The following NSRP1 variants were observed in gnomAD, a reference collection of about 807,000 sequenced individuals.
NSRP1 encodes the protein nuclear speckle splicing regulatory protein 1, also known as coiled-coil domain containing 55.
NSRP1 carries 24 observed loss-of-function variants against 54.7 expected under a neutral mutation model. The observed-to-expected ratio is 0.44, with a 90% CI of 0.32 to 0.62. NSRP1 has a LOEUF of 0.62. NSRP1 is among the 20% of genes least tolerant of loss of function. The pLI is 0.06. For missense variants in NSRP1, 596 were observed against 651.2 expected (o/e 0.92, Z 0.92); for synonymous variants, 210 against 213.8 (o/e 0.98, Z 0.15).
chr17:30,154,226 C>T (rs1334908730), intron 2 of NSRP1, among the ~76,000 whole-genome samples: 7 of 151,716 alleles, frequency 4.6e-5, no homozygotes, highest in South Asian at 4.2e-4. Flanking sequence ...GAGGCTGAGG[C>T]GGGAGAATTG....
intron 2 of NSRP1, among the ~76,000 whole-genome samples, chr17:30,124,402 A>C (rs765451515): frequency 6.6e-6 from 1 of 152,256 alleles, no homozygotes; most frequent in Non-Finnish European, 1.5e-5. Context: ...GGTGTTAGCT[A>C]GCCAGTGGGT....
chr17:30,150,998 CTTT>C (rs2071904060), intron 2 of NSRP1, among the ~76,000 whole-genome samples: 1 of 151,988 alleles, frequency 6.6e-6, no homozygotes, highest in Admixed American at 6.6e-5. Context: ...GTTTCCACAT[CTTT>C]ATGAGCATTT....
chr17:30,180,024 A>T (rs1905244991), intron 5 of NSRP1, among the ~76,000 whole-genome samples: 1 of 151,976 alleles, frequency 6.6e-6, no homozygotes, highest in African/African-American at 2.4e-5. Flanking sequence ...TTTTGTAGAG[A>T]CGGGGTCTCA....
In NSRP1 at chr17:30,185,258, A is replaced by G. The variant is rs759097578; in HGVS notation, c.1261A>G (p.Met421Val). ...EEKSKAKEEH[M>V]KVRKERYENN... ...GAAAAGCAAAGCAAAGGAAGAGCAT[A>G]TGAAAGTAAGGAAGGAAAGATATGA... The change falls in exon 7 of 7, where the codon ATG becomes GTG. Residue 421 changes from methionine to valine, a missense_variant. Coordinates refer to ENST00000247026, the MANE Select transcript of NSRP1 (RefSeq NM_032141.4). The G allele has an allele frequency of 2.5e-6, 4 of 1,597,798 alleles. No individual in the cohort carries two copies. The highest frequency in any genetic ancestry group is 2.3e-5 in the South Asian group (2 of 88,406).
intron 2 of NSRP1, chr17:30,168,878 G>A (rs1190399516): frequency 6.6e-6 from 1 of 151,964 alleles, no homozygotes; most frequent in East Asian, 1.9e-4. Context: ...AGAAAATTGA[G>A]AATCAAATGA....
chr17:30,123,719 T>C (rs2071624805), intron 2 of NSRP1, among the ~76,000 whole-genome samples: 1 of 152,148 alleles, frequency 6.6e-6, no homozygotes, highest in South Asian at 2.1e-4. Flanking sequence ...TTCATACATT[T>C]TGAAATTTTT....
Position 30,116,872 on chromosome 17 carries a change from T to A in NSRP1, c.20+9T>A, listed in dbSNP as rs2071537498. 6.4e-7 allele frequency: 1 copy of A among 1,572,338 alleles called. No homozygotes were observed. Among genetic ancestry groups the A allele is most frequent in the Non-Finnish European group, 8.6e-7 (1 of 1,158,426 alleles). ...GCGATTCCGGGCAGGCAGTGAGTGA[T>A]CCGGGAGTTAGGGTCAGGCTGGGGG... On this transcript the variant is annotated intron_variant, in intron 1 of 6. Transcript: ENST00000247026.
At chr17:30,164,473 T>A (rs1419145959) in intron 2 of NSRP1, among the ~76,000 whole-genome samples, 1 of 152,112 alleles carries the variant, frequency 6.6e-6, no homozygotes, top group African/African-American at 2.4e-5. Flanking sequence ...AAATTTTGTC[T>A]CCCTAAATTT....
intron 1 of NSRP1, chr17:30,117,412 G>A (rs965556134): frequency 1.8e-5 from 8 of 449,820 alleles, no homozygotes; most frequent in African/African-American, 8.1e-5. Context: ...TACCTTTGAT[G>A]TGTAATCCTT....
intron 2 of NSRP1, among the ~76,000 whole-genome samples, chr17:30,171,499 T>A (rs1187232906): frequency 6.6e-6 from 1 of 151,980 alleles, no homozygotes; most frequent in African/African-American, 2.4e-5. Context: ...AGAGACGGGG[T>A]TTCACCATGT....
intron 2 of NSRP1, among the ~76,000 whole-genome samples, chr17:30,136,698 A>G (rs1033928287): frequency 6.6e-6 from 1 of 152,226 alleles, no homozygotes; most frequent in Non-Finnish European, 1.5e-5. Flanking sequence ...AGATGTCATT[A>G]TTCTCATTTT....
intron 2 of NSRP1, among the ~76,000 whole-genome samples, chr17:30,143,621 T>A (rs528335701): frequency 3.9e-5 from 6 of 152,334 alleles, no homozygotes; most frequent in African/African-American, 1.4e-4. Flanking sequence ...ACATAGTTAA[T>A]GATGTTCCTT....
chr17:30,184,590 C>T (rs1215521294), intron 6 of NSRP1, 25 bp from the exon 7 acceptor site: 2 of 1,522,046 alleles, frequency 1.3e-6, no homozygotes, highest in African/African-American at 2.8e-5. Context: ...TTTTTTTCTG[C>T]CCTTTTTTGT....
chr17:30,158,745 C>T (rs886332742), intron 2 of NSRP1, among the ~76,000 whole-genome samples: 1 of 152,104 alleles, frequency 6.6e-6, no homozygotes, highest in African/African-American at 2.4e-5. Context: ...ACGTTCTTGA[C>T]ACCTTTGTTG....
rs10608409 is a variant in NSRP1 at position 30,140,520 on chromosome 17, CTTTTTTTTTTTTTTTTT to C, written c.114+22357_114+22373del. Among the ~76,000 whole-genome samples the C allele has an allele frequency of 2.6e-4, 13 of 50,320 alleles. No individual in the cohort carries two copies. The South Asian group carries it at 2.6e-3, about 10-fold the overall frequency. 33.0% of individuals were successfully genotyped at this position (50,320 alleles called of 152,430 possible). On this transcript the variant is annotated intron_variant, in intron 2 of 6. Coordinates refer to ENST00000247026, the MANE Select transcript of NSRP1 (RefSeq NM_032141.4). Reference sequence around the variant, plus strand: ...ATTTTTTTTAATTGTTCAGATTTTACTTTTTTTTTTTTTTTTTTTTTTTTTTGAGATGGAGTCTTGCT... The same window carrying C: ...ATTTTTTTTAATTGTTCAGATTTTACTTTTTTTTTGAGATGGAGTCTTGCT...
chr17:30,185,513 G>A lies in NSRP1; in HGVS notation c.1516G>A (p.Gly506Arg), dbSNP rs146235514. Residue 506 changes from glycine to arginine, a missense_variant, in exon 7 of 7, where the codon GGG (glycine) becomes AGG (arginine). Gly to Arg is a moderately radical substitution (Grantham distance 125). Transcript: ENST00000247026. ...LGAKHRLTEEGQEKGKEQERP... is the reference protein window; with the variant it reads ...LGAKHRLTEERQEKGKEQERP... ...AGCAAAACACAGACTCACAGAGGAA[G>A]GGCAAGAGAAGGGTAAAGAACAAGA... 3.7e-6 allele frequency: 6 copies of A among 1,613,958 alleles called. No individual in the cohort carries two copies. The highest frequency in any genetic ancestry group is 5.1e-6 in the Non-Finnish European group (6 of 1,180,018).
In NSRP1 at chr17:30,118,186, A is replaced by G. The variant is rs761211389; in HGVS notation, c.114+13A>G. 4 of 1,598,628 alleles carry G rather than the reference A, an allele frequency of 2.5e-6. No individual in the cohort carries two copies. Among genetic ancestry groups the G allele is most frequent in the Non-Finnish European group, 3.4e-6 (4 of 1,167,338 alleles). ...TGATGATGATGAGGTAAGGAAACCTATGTTTTACTCGTGCATGGTTGGAAA... is the reference window on the plus strand; with the variant it reads ...TGATGATGATGAGGTAAGGAAACCTGTGTTTTACTCGTGCATGGTTGGAAA... On this transcript the variant is annotated intron_variant, in intron 2 of 6. Coordinates refer to ENST00000247026, the MANE Select transcript of NSRP1 (RefSeq NM_032141.4).
In NSRP1 at chr17:30,179,215, A is replaced by G. The variant is rs536914960; in HGVS notation, c.426A>G (p.Ala142=). The G allele has an allele frequency of 3.7e-6, 6 of 1,612,186 alleles. 1 individual carries two copies. The South Asian group carries it at 6.6e-5, about 18-fold the overall frequency. ...MEKGEFDDKE[A]FVTSAYKKKL... is the part of the protein sequence containing the mutation. ...AGGGGGAGTTTGATGATAAAGAAGC[A>G]TTTGTGACATCTGCATATAAGAAAA... Residue 142 remains alanine, a synonymous_variant, in exon 5 of 7, where the codon GCA becomes GCG. Coordinates refer to ENST00000247026, the MANE Select transcript of NSRP1 (RefSeq NM_032141.4).
At chr17:30,164,846 A>G (rs1904672569) in intron 2 of NSRP1, among the ~76,000 whole-genome samples, 1 of 152,136 alleles carries the variant, frequency 6.6e-6, no homozygotes, top group African/African-American at 2.4e-5. Context: ...CTCCTGTGTT[A>G]CACTGCAAAC....
Sources: gnomAD v4.1 joint callset for allele counts (sites outside exome capture counted in the v4.1 genomes callset) on GRCh38, gnomAD v4.1.1 for gene constraint, MANE v1.5 for transcripts, NCBI Gene and HGNC (gene_info 2026-07-23, HGNC 2026-07-21) for gene names.